FER1L6: variants seen among roughly 807,000 people sequenced by gnomAD.
FER1L6 encodes fer-1-like protein 6.
FER1L6 carries 177 observed loss-of-function variants against 219.2 expected under a neutral mutation model. The observed-to-expected ratio is 0.81, with a 90% CI of 0.71 to 0.91. FER1L6 has a LOEUF of 0.91. Among genes scored for constraint, FER1L6 ranks in the 40% least tolerant of loss-of-function variants. FER1L6 has a pLI of 0.00. For synonymous variants in FER1L6, 768 were observed against 824.3 expected (o/e 0.93, Z 1.17); for missense variants, 2,153 against 2,259.9 (o/e 0.95, Z 0.96).
chr8:124,064,532 A>T lies in FER1L6; in HGVS notation c.3514A>T (p.Thr1172Ser). 1 of 1,612,580 alleles carries T rather than the reference A, an allele frequency of 6.2e-7. No homozygotes were observed. ...ATCCCCGATGCTGGAGCCTGAACAC[A>T]CACCTGTAGCCCAGGAGCCACCAAA... ...DSSPMLEPEH[T>S]PVAQEPPKDG... is the part of the protein sequence containing the mutation. The change falls in exon 26 of 41, where the codon ACA (threonine) becomes TCA (serine). Residue 1172 changes from threonine to serine, a missense_variant. Coordinates refer to ENST00000522917, the MANE Select transcript of FER1L6 (RefSeq NM_001039112.2).
In FER1L6 at chr8:124,032,846, T is replaced by C. The variant is rs190985711; in HGVS notation, c.2287-2431T>C. On this transcript the variant is annotated intron_variant, in intron 18 of 40. Coordinates refer to ENST00000522917, the MANE Select transcript of FER1L6 (RefSeq NM_001039112.2). ...TAAGTTAAGAGCATTGCTGCACAAA[T>C]ACTTAAAACTGAGATCTGTAGACCA... Among the ~76,000 whole-genome samples, 28 of 152,336 alleles carry C rather than the reference T, an allele frequency of 1.8e-4. No homozygotes were observed. In the East Asian group the frequency reaches 5.2e-3, roughly 28 times the overall value.
At chr8:123,947,113 C>T (rs1015772237) in intron 1 of FER1L6, among the ~76,000 whole-genome samples, 2 of 151,960 alleles carry the variant, frequency 1.3e-5, no homozygotes, top group South Asian at 2.1e-4. Flanking sequence ...ATTGAAACCC[C>T]GTCTCTACTA....
intron 7 of FER1L6, among the ~76,000 whole-genome samples, chr8:123,974,297 G>C (rs1815951268): frequency 6.6e-6 from 1 of 152,092 alleles, no homozygotes; most frequent in African/African-American, 2.4e-5. Context: ...CATATACAAG[G>C]GCAGTGGCTA....
At chr8:123,896,381 CA>C (rs1411498979) in intron 1 of FER1L6, among the ~76,000 whole-genome samples, 4 of 152,314 alleles carry the variant, frequency 2.6e-5, no homozygotes, top group Admixed American at 2.6e-4. Flanking sequence ...TGCTCTGCAA[CA>C]CAGCAAAATA....
At chr8:123,973,268 A>T (rs551297888) in intron 6 of FER1L6, among the ~76,000 whole-genome samples, 166 bp from the exon 7 acceptor site, 2 of 152,306 alleles carry the variant, frequency 1.3e-5, no homozygotes, top group African/African-American at 4.8e-5. Context: ...AAATCCTGCT[A>T]AGAGCAAGAA....
At chr8:124,028,385 G>C (rs1818802048) in intron 18 of FER1L6, among the ~76,000 whole-genome samples, 2 of 152,094 alleles carry the variant, frequency 1.3e-5, no homozygotes, top group African/African-American at 4.8e-5. Context: ...CTGACTTTAA[G>C]TCCCCTCTCA....
chr8:123,948,447 C>A (rs1814597272), intron 1 of FER1L6, among the ~76,000 whole-genome samples: 1 of 152,144 alleles, frequency 6.6e-6, no homozygotes, highest in Non-Finnish European at 1.5e-5. Flanking sequence ...GGAAGTTTGA[C>A]CTCTTTCTAA....
intron 39 of FER1L6, among the ~76,000 whole-genome samples, chr8:124,113,003 A>G (rs1185906467): frequency 6.6e-6 from 1 of 152,186 alleles, no homozygotes; most frequent in South Asian, 2.1e-4. Context: ...TATTTTCTCT[A>G]TGCATAAATT....
At chr8:123,913,561 C>T (rs1429834935) in intron 1 of FER1L6, among the ~76,000 whole-genome samples, 1 of 152,060 alleles carries the variant, frequency 6.6e-6, no homozygotes, top group Non-Finnish European at 1.5e-5. Flanking sequence ...GGCAGGTGTC[C>T]TCCCTTGCTG....
chr8:124,105,660 C>G (rs192585812), intron 39 of FER1L6, among the ~76,000 whole-genome samples: 3 of 152,162 alleles, frequency 2.0e-5, no homozygotes, highest in African/African-American at 7.2e-5. Context: ...TTGGACTTAA[C>G]GGCATGGAGG....
At chr8:123,978,438 G>A (rs1368283692) in intron 10 of FER1L6, among the ~76,000 whole-genome samples, 1 of 152,098 alleles carries the variant, frequency 6.6e-6, no homozygotes, top group East Asian at 1.9e-4. Flanking sequence ...AGCCAGCCAG[G>A]TGGAGGTCAG....
Position 123,857,166 on chromosome 8 carries a change from G to T in FER1L6, c.-8+4981G>T, listed in dbSNP as rs563254107. 2.6e-5 allele frequency among the ~76,000 whole-genome samples: 4 copies of T among 152,244 alleles called. No homozygotes were observed. In the South Asian group the frequency reaches 8.3e-4, roughly 32 times the overall value. On this transcript the variant is annotated intron_variant, in intron 1 of 40. Transcript: ENST00000522917. ...AATCTCATTGTTCTCTGTGATTTTA[G>T]TTATTAGAATGTTTTGTTTTGGTGA... is the stretch of plus-strand genomic sequence containing the variant.
intron 21 of FER1L6, among the ~76,000 whole-genome samples, chr8:124,048,706 C>G (rs1247338386): frequency 6.6e-6 from 1 of 152,208 alleles, no homozygotes; most frequent in African/African-American, 2.4e-5. Flanking sequence ...TCCTTTAGTT[C>G]TCATGATCCT....
rs1563784636 is a variant in FER1L6, at chr8:124,076,199, C to T, written c.4094C>T (p.Ala1365Val). 2.5e-6 allele frequency: 4 copies of T among 1,613,758 alleles called. No individual in the cohort carries two copies. Among genetic ancestry groups the T allele is most frequent in the African/African-American group, 1.3e-5 (1 of 74,908 alleles). ...AGACATTTTCTTTTTCCTTTCCAGG[C>T]ATTTAATCTTAGTCCAGCTGATCCA... ...TVLIRVYIVA[A>V]FNLSPADPDG... The change falls in exon 32 of 41, where the codon GCA (alanine) becomes GTA (valine). Residue 1365 changes from alanine (A) to valine (V), a missense_variant and splice_region_variant. Physicochemically the swap from Ala to Val is moderately conservative, Grantham distance 64. Transcript: ENST00000522917.
chr8:124,077,866 G>A (rs146464790), intron 32 of FER1L6, among the ~76,000 whole-genome samples: 155 of 152,294 alleles, frequency 1.0e-3, no homozygotes, highest in Admixed American at 1.7e-3. Flanking sequence ...TGTTCCAGCA[G>A]GAAGAGAAGA....
At chr8:124,050,086 T>G (rs979509062) in intron 22 of FER1L6, among the ~76,000 whole-genome samples, 2 of 152,150 alleles carry the variant, frequency 1.3e-5, no homozygotes, top group Admixed American at 1.3e-4. Flanking sequence ...GAAGCAAACA[T>G]GTGGGCACTT....
At chr8:124,044,419 C>T (rs117954004) in intron 20 of FER1L6, among the ~76,000 whole-genome samples, 1 of 152,106 alleles carries the variant, frequency 6.6e-6, no homozygotes, top group South Asian at 2.1e-4. Flanking sequence ...ATTTTTATGA[C>T]CCACATAAAG....
chr8:124,080,802 A>T (rs886181491), intron 32 of FER1L6, among the ~76,000 whole-genome samples: 7 of 152,264 alleles, frequency 4.6e-5, no homozygotes, highest in Middle Eastern at 6.8e-3. Flanking sequence ...ACATGGCTGG[A>T]GGCTTCCTTG....
intron 1 of FER1L6, among the ~76,000 whole-genome samples, chr8:123,941,628 C>G (rs1322028449): frequency 6.6e-6 from 1 of 152,172 alleles, no homozygotes; most frequent in Non-Finnish European, 1.5e-5. Context: ...TGTACTGTAT[C>G]TGGATCACAC....
Sources: gnomAD v4.1 joint callset for allele counts (sites outside exome capture counted in the v4.1 genomes callset) on GRCh38, gnomAD v4.1.1 for gene constraint, MANE v1.5 for transcripts, NCBI Gene and HGNC (gene_info 2026-07-23, HGNC 2026-07-21) for gene names.